The following MANEA variants were observed in gnomAD, a reference collection of about 807,000 sequenced individuals.
The protein encoded by MANEA is glycoprotein endo-alpha-1,2-mannosidase.
Under a neutral mutation model 36.8 loss-of-function variants are expected in MANEA, and 25 were observed. The ratio of observed to expected loss-of-function variants is 0.68; its 90% CI spans 0.50 to 0.95. The LOEUF is 0.95. Among genes scored for constraint, MANEA ranks in the 40% least tolerant of loss-of-function variants. The pLI is 0.00. For synonymous variants in MANEA, 198 were observed against 188.5 expected (o/e 1.05, Z -0.41); for missense variants, 565 against 558.8 (o/e 1.01, Z -0.11).
intron 3 of MANEA, among the ~76,000 whole-genome samples, chr6:95,601,578 T>C (rs1377567037): frequency 6.6e-6 from 1 of 152,130 alleles, no homozygotes; most frequent in African/African-American, 2.4e-5. Flanking sequence ...AGCCAGTTCA[T>C]AGATTTTATG....
chr6:95,591,506 T>C (rs973783252), intron 2 of MANEA, among the ~76,000 whole-genome samples: 2 of 152,130 alleles, frequency 1.3e-5, no homozygotes, highest in Non-Finnish European at 2.9e-5. Context: ...GTTTTGTTGT[T>C]GCTGTTGTTG....
rs148543909 is a variant in MANEA at position 95,581,075 on chromosome 6, T to C, written c.-39+3437T>C. ...ATCCTATGAGTGAAGTAATAACTCA[T>C]TCTATGGGTGAGGAAAGGAACTCAG... On this transcript the variant is annotated intron_variant, in intron 1 of 4. Transcript: ENST00000358812. Among the ~76,000 whole-genome samples, 276 of 152,292 alleles carry C rather than the reference T, an allele frequency of 1.8e-3. 1 individual carries two copies. Among genetic ancestry groups the C allele is most frequent in the African/African-American group, 6.3e-3 (263 of 41,566 alleles).
intron 3 of MANEA, 89 bp from the exon 4 acceptor site, chr6:95,604,738 A>G (rs1769667051): frequency 3.7e-6 from 2 of 539,450 alleles, no homozygotes; most frequent in Non-Finnish European, 6.4e-6. Flanking sequence ...AGGTGATTAA[A>G]TCAGTTACTT....
intron 1 of MANEA, among the ~76,000 whole-genome samples, chr6:95,585,644 T>C (rs1406955069): frequency 6.6e-6 from 1 of 152,212 alleles, no homozygotes; most frequent in Non-Finnish European, 1.5e-5. Context: ...ATTGGGAATA[T>C]CTTACTTGTG....
At chr6:95,599,705 C>T (rs1054791593) in intron 3 of MANEA, among the ~76,000 whole-genome samples, 4 of 152,170 alleles carry the variant, frequency 2.6e-5, no homozygotes, top group African/African-American at 4.8e-5. Flanking sequence ...AGAAATGGAA[C>T]TGTAGGGAGT....
At chr6:95,577,896 G>A (rs749249689) in intron 1 of MANEA, among the ~76,000 whole-genome samples, 3 of 152,224 alleles carry the variant, frequency 2.0e-5, no homozygotes, top group Non-Finnish European at 1.5e-5. Context: ...CTTTTACACT[G>A]CTTTATCCCC....
intron 1 of MANEA, among the ~76,000 whole-genome samples, chr6:95,583,032 G>A (rs1359113213): frequency 6.6e-6 from 1 of 152,024 alleles, no homozygotes; most frequent in African/African-American, 2.4e-5. Context: ...GTTTAAATTG[G>A]TGTTTTGGTA....
intron 3 of MANEA, among the ~76,000 whole-genome samples, chr6:95,603,141 TTAAA>T (rs1769631509): frequency 1.3e-5 from 2 of 152,122 alleles, no homozygotes; most frequent in African/African-American, 2.4e-5. Flanking sequence ...TATATTTACT[TTAAA>T]TATATTGATC....
At chr6:95,603,141 T>C (rs780740653) in intron 3 of MANEA, among the ~76,000 whole-genome samples, 26 of 152,008 alleles carry the variant, frequency 1.7e-4, no homozygotes, top group Non-Finnish European at 3.5e-4. Flanking sequence ...TATATTTACT[T>C]TAAATATATT....
At chr6:95,603,203 G>A (rs182632201) in intron 3 of MANEA, among the ~76,000 whole-genome samples, 14 of 152,024 alleles carry the variant, frequency 9.2e-5, no homozygotes, top group African/African-American at 3.4e-4. Context: ...AGCTGTAAAA[G>A]CAAATTCATT....
chr6:95,584,563 A>G (rs1157580019), intron 1 of MANEA, among the ~76,000 whole-genome samples: 2 of 152,192 alleles, frequency 1.3e-5, no homozygotes, highest in Non-Finnish European at 2.9e-5. Context: ...TCAAGACAGT[A>G]GGTGCACAGC....
At chr6:95,594,606 A>G (rs933273699) in intron 2 of MANEA, among the ~76,000 whole-genome samples, 14 of 152,082 alleles carry the variant, frequency 9.2e-5, no homozygotes, top group African/African-American at 2.7e-4. Flanking sequence ...TGTGTTCTTA[A>G]TTATCTTTGA....
chr6:95,586,937 T>A lies in MANEA; in HGVS notation c.498T>A (p.Pro166=). 6.2e-7 allele frequency: 1 copy of A among 1,612,644 alleles called. No individual in the cohort carries two copies. The highest frequency in any genetic ancestry group is 8.5e-7 in the Non-Finnish European group (1 of 1,179,128). ...PELGSYSSRD[P]SVIETHMRQM... ...TGGGAAGTTACAGTTCTCGGGATCC[T>A]TCTGTCATAGAAACTCACATGAGAC... The change falls in exon 2 of 5, where the codon CCT becomes CCA. Residue 166 remains proline, a synonymous_variant. Coordinates refer to ENST00000358812, the MANE Select transcript of MANEA (RefSeq NM_024641.4).
At chr6:95,602,487 T>C (rs1013795995) in intron 3 of MANEA, among the ~76,000 whole-genome samples, 1 of 152,126 alleles carries the variant, frequency 6.6e-6, no homozygotes, top group Non-Finnish European at 1.5e-5. Flanking sequence ...TCAAAAAAGT[T>C]CATTTTATTA....
At chr6:95,590,425 C>T (rs576183258) in intron 2 of MANEA, among the ~76,000 whole-genome samples, 1 of 152,248 alleles carries the variant, frequency 6.6e-6, no homozygotes, top group African/African-American at 2.4e-5. Context: ...TTTAAAAACA[C>T]TGGATGGATT....
At position 95,605,856 on chromosome 6, in the gene MANEA, T is replaced by A; in HGVS notation, c.840T>A (p.Asn280Lys). 6.2e-7 allele frequency: 1 copy of A among 1,614,058 alleles called. No homozygotes were observed. Among genetic ancestry groups the A allele is most frequent in the Non-Finnish European group, 8.5e-7 (1 of 1,179,964 alleles). The change falls in exon 5 of 5, where the codon AAT becomes AAA. Residue 280 changes from asparagine (N) to lysine (K), a missense_variant. Asn to Lys is a moderately conservative substitution (Grantham distance 94). Coordinates refer to ENST00000358812, the MANE Select transcript of MANEA (RefSeq NM_024641.4). The part of the protein sequence containing the change: ...SYITKPEKWA[N>K]LLTTSGSRSI... ...TTACCAAGCCTGAAAAATGGGCCAA[T>A]CTGTTAACCACCTCAGGGTCTCGGA...
chr6:95,598,393 T>C (rs1769522080), intron 3 of MANEA, among the ~76,000 whole-genome samples: 1 of 152,162 alleles, frequency 6.6e-6, no homozygotes, highest in African/African-American at 2.4e-5. Context: ...TGTAGTCATC[T>C]GAGGCTAGAG....
intron 1 of MANEA, among the ~76,000 whole-genome samples, chr6:95,584,445 T>A (rs543355338): frequency 8.5e-5 from 13 of 152,244 alleles, no homozygotes; most frequent in African/African-American, 3.1e-4. Flanking sequence ...GCGGTTGAGA[T>A]AAGGACTGAG....
At chr6:95,579,043 C>G (rs1018004805) in intron 1 of MANEA, among the ~76,000 whole-genome samples, 1 of 152,160 alleles carries the variant, frequency 6.6e-6, no homozygotes, top group African/African-American at 2.4e-5. Flanking sequence ...AAGTTACCAA[C>G]TGCTCAGCTT....
Sources: gnomAD v4.1 joint callset for allele counts (sites outside exome capture counted in the v4.1 genomes callset) on GRCh38, gnomAD v4.1.1 for gene constraint, MANE v1.5 for transcripts, NCBI Gene and HGNC (gene_info 2026-07-23, HGNC 2026-07-21) for gene names.